MAB21L4: variants seen among roughly 807,000 people sequenced by gnomAD.
MAB21L4 encodes the protein mab-21 like 4.
In MAB21L4, 25 loss-of-function variants were observed where a neutral mutation model predicts 32.4. The ratio of observed to expected loss-of-function variants is 0.77; its 90% CI spans 0.56 to 1.08. The LOEUF (loss-of-function observed/expected upper bound fraction) is 1.08, where lower values mean the gene tolerates loss of function less well. Among genes scored for constraint, MAB21L4 ranks in the 50% least tolerant of loss-of-function variants. The pLI is 0.00. For missense variants in MAB21L4, 638 were observed against 611.0 expected (o/e 1.04, Z -0.47); for synonymous variants, 280 against 276.8 (o/e 1.01, Z -0.11).
At chr2:240,891,899 C>T in intron 1 of MAB21L4, 136 bp from the exon 2 acceptor site, 6 of 1,574,338 alleles carry the variant, frequency 3.8e-6, no homozygotes, top group Non-Finnish European at 5.2e-6. Flanking sequence ...TGGCCCCCAC[C>T]TGCAGGCTGC....
rs1221503486 is a variant in MAB21L4, at chr2:240,888,438, G to T, written c.1105C>A (p.Pro369Thr). ...GCGTGGATGCGCAGGGCCGCCTCGGGCTGGCTGGCGAAGCCCTCCACGCGC... is the reference window on the plus strand; with the variant it reads ...GCGTGGATGCGCAGGGCCGCCTCGGTCTGGCTGGCGAAGCCCTCCACGCGC... The part of the protein sequence containing the change: ...YQRVEGFASQ[P>T]EAALRIHATH... The change falls in exon 4 of 5, where the codon CCC becomes ACC. Residue 369 changes from proline to threonine, a missense_variant. Physicochemically the swap from Pro to Thr is conservative, Grantham distance 38. Coordinates refer to ENST00000388934, the MANE Select transcript of MAB21L4 (RefSeq NM_001085437.3). The T allele has an allele frequency of 1.3e-6, 2 of 1,566,362 alleles. No homozygotes were observed. The highest frequency in any genetic ancestry group is 1.7e-6 in the Non-Finnish European group (2 of 1,158,866).
Position 240,895,467 on chromosome 2 carries a change from G to T in MAB21L4, c.514+17C>A. The T allele has an allele frequency of 6.6e-7, 1 of 1,515,306 alleles. No homozygotes were observed. The highest frequency in any genetic ancestry group is 8.9e-7 in the Non-Finnish European group (1 of 1,123,646). 93.9% of individuals were successfully genotyped at this position (1,515,306 alleles called of 1,614,324 possible). On this transcript the variant is annotated intron_variant, in intron 1 of 4. Coordinates refer to ENST00000388934, the MANE Select transcript of MAB21L4 (RefSeq NM_001085437.3). ...CGGTACACGCAGATACGCGTGCAGA[G>T]TGGGCTGTGCCTGTACCTGGTGCGA... is the stretch of plus-strand genomic sequence containing the variant.
Position 240,886,103 on chromosome 2 carries a change from G to T in MAB21L4, c.*967C>A. ...GTCCCGCAGGCTATACAGGAAGCATGGCTGGGAGGCCTCAGGAAACTGACA... is the reference window on the plus strand; with the variant it reads ...GTCCCGCAGGCTATACAGGAAGCATTGCTGGGAGGCCTCAGGAAACTGACA... On this transcript the variant is annotated 3_prime_UTR_variant, in exon 5 of 5. Coordinates refer to ENST00000388934, the MANE Select transcript of MAB21L4 (RefSeq NM_001085437.3). 6.5e-6 allele frequency: 1 copy of T among 154,330 alleles called. No homozygotes were observed. Among genetic ancestry groups the T allele is most frequent in the South Asian group, 2.0e-4 (1 of 4,960 alleles). 9.6% of individuals were successfully genotyped at this position (154,330 alleles called of 1,614,324 possible).
At chr2:240,893,092 G>A (rs927529152) in intron 1 of MAB21L4, among the ~76,000 whole-genome samples, 1 of 152,230 alleles carries the variant, frequency 6.6e-6, no homozygotes, top group African/African-American at 2.4e-5. Flanking sequence ...GTACTGTCCA[G>A]CCAGGGTGCC....
chr2:240,888,337 G>A lies in MAB21L4; in HGVS notation c.1206C>T (p.Asp402=). The A allele has an allele frequency of 1.9e-6, 3 of 1,584,690 alleles. No individual in the cohort carries two copies. The highest frequency in any genetic ancestry group is 1.8e-5 in the Admixed American group (1 of 56,068). Residue 402 remains aspartate (D), a synonymous_variant, in exon 4 of 5, where the codon GAC becomes GAT. Transcript: ENST00000388934. The part of the protein sequence containing the change: ...LKALLQLPAS[D]PTYWATAYFD... ...AGTAGGCAGTGGCCCAGTAAGTGGG[G>A]TCACTGGCTGGCAGCTGCAGGAGCG...
At chr2:240,893,534 C>T (rs933975929) in intron 1 of MAB21L4, among the ~76,000 whole-genome samples, 13 of 152,244 alleles carry the variant, frequency 8.5e-5, no homozygotes, top group African/African-American at 3.1e-4. Flanking sequence ...TGCAACTGCA[C>T]CAGCCCGGCC....
At chr2:240,889,430 C>T (rs75453643) in intron 3 of MAB21L4, among the ~76,000 whole-genome samples, 7,858 of 152,162 alleles carry the variant, frequency 0.052, 255 homozygotes, top group Middle Eastern at 0.085. Context: ...AGGGGCCAGC[C>T]GAGCAGACCC....
chr2:240,888,711 C>T, intron 3 of MAB21L4, 63 bp from the exon 4 acceptor site: 2 of 1,242,214 alleles, frequency 1.6e-6, no homozygotes, highest in Non-Finnish European at 2.2e-6. Context: ...TGCTCCCACC[C>T]TGCGCTCCCA....
At chr2:240,892,930 G>A (rs1253667227) in intron 1 of MAB21L4, among the ~76,000 whole-genome samples, 1 of 152,170 alleles carries the variant, frequency 6.6e-6, no homozygotes, top group Non-Finnish European at 1.5e-5. Flanking sequence ...GGGCCCTCTG[G>A]CCTCTGCCTC....
chr2:240,896,011 G>A lies in MAB21L4; in HGVS notation c.-14C>T. ...AGGGGCAGGCATCCCTTCAACAGTG[G>A]CAGGTGAGGGCCAGTGGCCCCTGAG... On this transcript the variant is annotated 5_prime_UTR_variant, in exon 1 of 5. Transcript: ENST00000388934. 7.0e-7 allele frequency: 1 copy of A among 1,432,788 alleles called. No homozygotes were observed. The highest frequency in any genetic ancestry group is 9.1e-7 in the Non-Finnish European group (1 of 1,097,868). The allele number at this position is 1,432,788 out of a possible 1,614,324, so 88.8% of individuals were successfully genotyped here. A position where few individuals can be genotyped will look rare whatever the true frequency, so the allele number is the denominator to read the frequency against.
intron 2 of MAB21L4, among the ~76,000 whole-genome samples, chr2:240,890,981 C>T (rs1469865860): frequency 6.6e-6 from 1 of 152,188 alleles, no homozygotes; most frequent in Non-Finnish European, 1.5e-5. Context: ...CACTGACGAG[C>T]GTGGATTCAA....
At chr2:240,896,232 A>C, upstream of MAB21L4, 191 of 1,165,242 alleles carry the variant, frequency 1.6e-4, no homozygotes, top group South Asian at 2.4e-4. Flanking sequence ...TGGGAATGTC[A>C]CAGGGGCCAT....
intron 4 of MAB21L4, 148 bp downstream of exon 4, chr2:240,888,144 G>A (rs1056811364): frequency 3.1e-5 from 20 of 654,308 alleles, no homozygotes; most frequent in East Asian, 2.5e-4. Flanking sequence ...ACATGTCCCC[G>A]CAGACGCTCT....
chr2:240,890,469 G>A (rs1389758281), intron 2 of MAB21L4, among the ~76,000 whole-genome samples: 4 of 152,192 alleles, frequency 2.6e-5, no homozygotes, highest in Non-Finnish European at 5.9e-5. Context: ...TCAGCCCGGG[G>A]GTGTGACAGC....
chr2:240,887,208 G>A (rs1338040276), intron 4 of MAB21L4, 46 bp from the exon 5 acceptor site: 5 of 1,501,802 alleles, frequency 3.3e-6, no homozygotes, highest in Non-Finnish European at 4.6e-6. Flanking sequence ...GACCCCTGGA[G>A]CCCATGATAA....
chr2:240,889,125 A>C (rs4675868), intron 3 of MAB21L4, among the ~76,000 whole-genome samples: 110,336 of 151,596 alleles, frequency 0.73, 40,809 homozygotes, highest in African/African-American at 0.85. Context: ...AGACACCCTT[A>C]CCCTCCATCC....
Position 240,895,890 on chromosome 2 carries a change from G to T in MAB21L4, c.108C>A (p.Phe36Leu), listed in dbSNP as rs2059183610. The change falls in exon 1 of 5, where the codon TTC (phenylalanine) becomes TTA (leucine). Residue 36 changes from phenylalanine (F) to leucine (L), a missense_variant. Phe to Leu is a conservative substitution (Grantham distance 22, BLOSUM62 0). Coordinates refer to ENST00000388934, the MANE Select transcript of MAB21L4 (RefSeq NM_001085437.3). Reference sequence around the variant, plus strand: ...TGAGCAGCACGTTCTCTGCGCGCTGGAAGTCCTGGGCACGCGGCGCCTCCC... The same window carrying T: ...TGAGCAGCACGTTCTCTGCGCGCTGTAAGTCCTGGGCACGCGGCGCCTCCC... ...RSREAPRAQDFQRAENVLLTV... is the reference protein window; with the variant it reads ...RSREAPRAQDLQRAENVLLTV... 1 of 1,535,672 alleles carries T rather than the reference G, an allele frequency of 6.5e-7. No homozygotes were observed. Among genetic ancestry groups the T allele is most frequent in the Non-Finnish European group, 8.8e-7 (1 of 1,139,868 alleles).
intron 1 of MAB21L4, among the ~76,000 whole-genome samples, chr2:240,893,315 C>G (rs984327015): frequency 1.3e-5 from 2 of 152,226 alleles, no homozygotes; most frequent in African/African-American, 4.8e-5. Flanking sequence ...GGGGACGCCT[C>G]TGGGGCCCAC....
chr2:240,892,345 C>G, intron 1 of MAB21L4, among the ~76,000 whole-genome samples: 1 of 151,676 alleles, frequency 6.6e-6, no homozygotes, highest in South Asian at 2.1e-4. Context: ...TCCTCCTCCC[C>G]CCTGCCCCCT....
Sources: gnomAD v4.1 joint callset for allele counts (sites outside exome capture counted in the v4.1 genomes callset) on GRCh38, gnomAD v4.1.1 for gene constraint, MANE v1.5 for transcripts, NCBI Gene and HGNC (gene_info 2026-07-23, HGNC 2026-07-21) for gene names.